Variants in CCDC91 observed in about 807,000 individuals in gnomAD.
The protein encoded by CCDC91 is coiled-coil domain-containing protein 91.
A neutral mutation model predicts 63.2 loss-of-function variants in CCDC91; 48 were observed. The observed-to-expected ratio is 0.76, with a 90% CI of 0.60 to 0.97. The LOEUF is 0.97. Ranked by LOEUF, CCDC91 falls within the 50% of genes least tolerant of loss-of-function variation. CCDC91 has a pLI of 0.00. For synonymous variants in CCDC91, 167 were observed against 165.8 expected (o/e 1.01, Z -0.06); for missense variants, 500 against 494.6 (o/e 1.01, Z -0.10).
intron 11 of CCDC91, among the ~76,000 whole-genome samples, chr12:28,481,691 G>T (rs1951456301): frequency 1.3e-5 from 2 of 151,876 alleles, no homozygotes; most frequent in Admixed American, 6.6e-5. Flanking sequence ...ACATTCAAAG[G>T]AATAATTTAT....
Position 28,384,126 on chromosome 12 carries a change from AGTC to A in CCDC91, c.655-7177_655-7175del, listed in dbSNP as rs150285193. 9.2e-3 allele frequency among the ~76,000 whole-genome samples: 1,397 copies of A among 152,218 alleles called. 26 individuals carry two copies. The highest frequency in any genetic ancestry group is 0.032 in the African/African-American group (1,328 of 41,542). On this transcript the variant is annotated intron_variant, in intron 7 of 12. Coordinates refer to ENST00000536442, the MANE Select transcript of CCDC91 (RefSeq NM_018318.5). ...TTGGATACTATTTCTTCATTTTCATAGTCTTTTTTTAACCAGTCTCTTCATGAT... is the reference window on the plus strand; with the variant it reads ...TTGGATACTATTTCTTCATTTTCATATTTTTTTAACCAGTCTCTTCATGAT...
intron 6 of CCDC91, among the ~76,000 whole-genome samples, chr12:28,352,124 A>C (rs1943223331): frequency 1.3e-5 from 2 of 152,220 alleles, no homozygotes; most frequent in Admixed American, 1.3e-4. Context: ...CATGTCTAAA[A>C]AATGTACCTA....
intron 3 of CCDC91, among the ~76,000 whole-genome samples, chr12:28,293,902 T>C (rs1240559928): frequency 8.5e-5 from 13 of 152,108 alleles, no homozygotes; most frequent in Admixed American, 8.5e-4. Flanking sequence ...TGCGCCTGGC[T>C]CCTTGCCTGT....
At chr12:28,368,890 T>A (rs1944437400) in intron 7 of CCDC91, among the ~76,000 whole-genome samples, 2 of 152,042 alleles carry the variant, frequency 1.3e-5, no homozygotes, top group African/African-American at 4.8e-5. Context: ...TCAGATCTTA[T>A]GAGGACTCAC....
At chr12:28,310,318 G>A (rs1281620795) in intron 6 of CCDC91, among the ~76,000 whole-genome samples, 15 of 152,102 alleles carry the variant, frequency 9.9e-5, no homozygotes, top group Admixed American at 2.0e-4. Context: ...GAGACTTAAC[G>A]TATATCACTT....
intron 8 of CCDC91, among the ~76,000 whole-genome samples, chr12:28,404,079 GT>G (rs1565919736): frequency 6.6e-6 from 1 of 151,540 alleles, no homozygotes; most frequent in Non-Finnish European, 1.5e-5. Flanking sequence ...ATTTACTCTT[GT>G]TTACTTATTT....
At chr12:28,227,638 G>A (rs1289736806) in intron 1 of CCDC91, among the ~76,000 whole-genome samples, 3 of 151,932 alleles carry the variant, frequency 2.0e-5, no homozygotes, top group Non-Finnish European at 4.4e-5. Context: ...GGTAGAAACC[G>A]ATGGGATCCT....
intron 12 of CCDC91, among the ~76,000 whole-genome samples, chr12:28,515,705 T>C (rs73087949): frequency 6.6e-6 from 1 of 151,916 alleles, no homozygotes; most frequent in Non-Finnish European, 1.5e-5. Context: ...TCAACAAAAA[T>C]TATAATATCT....
chr12:28,546,279 T>G (rs1260213593), intron 12 of CCDC91, among the ~76,000 whole-genome samples: 2 of 152,136 alleles, frequency 1.3e-5, no homozygotes, highest in Non-Finnish European at 2.9e-5. Flanking sequence ...AAAAGAGTTA[T>G]GAGACTATCT....
At chr12:28,505,318 G>A (rs577135354) in intron 12 of CCDC91, 2 of 151,960 alleles carry the variant, frequency 1.3e-5, no homozygotes, top group East Asian at 3.9e-4. Flanking sequence ...CTACCGGAGA[G>A]AGGCATAATA....
intron 1 of CCDC91, chr12:28,191,257 A>G (rs531351934): frequency 6.6e-6 from 1 of 152,390 alleles, no homozygotes; most frequent in East Asian, 1.9e-4. Context: ...TGCGGAGGAA[A>G]GCTTTGGACA....
chr12:28,501,308 G>GT (rs1937819421), intron 12 of CCDC91, among the ~76,000 whole-genome samples: 1 of 151,852 alleles, frequency 6.6e-6, no homozygotes, highest in Admixed American at 6.6e-5. Flanking sequence ...AATGCTTCCA[G>GT]TTTTTGCCCA....
intron 6 of CCDC91, among the ~76,000 whole-genome samples, chr12:28,357,128 A>G (rs1943578693): frequency 6.6e-6 from 1 of 152,204 alleles, no homozygotes; most frequent in East Asian, 1.9e-4. Flanking sequence ...TCATCAATAT[A>G]CCAGTGATGG....
At chr12:28,298,906 A>C (rs1937734727) in intron 3 of CCDC91, among the ~76,000 whole-genome samples, 1 of 151,392 alleles carries the variant, frequency 6.6e-6, no homozygotes, top group Non-Finnish European at 1.5e-5. Context: ...ATGTTGTTTC[A>C]TATATCTGTA....
At chr12:28,545,101 G>A (rs558512859) in intron 12 of CCDC91, among the ~76,000 whole-genome samples, 1 of 152,088 alleles carries the variant, frequency 6.6e-6, no homozygotes, top group East Asian at 1.9e-4. Flanking sequence ...AAACAAATCG[G>A]TTAGAGCTAC....
intron 6 of CCDC91, among the ~76,000 whole-genome samples, chr12:28,327,126 ATAG>A (rs775326040): frequency 5.3e-5 from 8 of 151,666 alleles, no homozygotes; most frequent in South Asian, 4.2e-4. Flanking sequence ...TCATAGTGAT[ATAG>A]GAGTTAAAAA....
chr12:28,262,544 C>T (rs1335600373), intron 3 of CCDC91, among the ~76,000 whole-genome samples: 2 of 151,938 alleles, frequency 1.3e-5, no homozygotes, highest in African/African-American at 2.4e-5. Context: ...GCCTGCAGTT[C>T]TGTCAATGGG....
At chr12:28,258,835 T>A (rs1229622340) in intron 2 of CCDC91, among the ~76,000 whole-genome samples, 1 of 152,028 alleles carries the variant, frequency 6.6e-6, no homozygotes, top group Non-Finnish European at 1.5e-5. Context: ...TGTTCCAAAA[T>A]AGGACGGCTT....
chr12:28,461,622 C>T (rs1205073651), intron 11 of CCDC91, among the ~76,000 whole-genome samples: 1 of 151,952 alleles, frequency 6.6e-6, no homozygotes, highest in Non-Finnish European at 1.5e-5. Flanking sequence ...TCCTGAGGAT[C>T]GAATGATAAT....
Sources: gnomAD v4.1 joint callset for allele counts (sites outside exome capture counted in the v4.1 genomes callset) on GRCh38, gnomAD v4.1.1 for gene constraint, MANE v1.5 for transcripts, NCBI Gene and HGNC (gene_info 2026-07-23, HGNC 2026-07-21) for gene names.